The following RBFOX1 variants were observed in gnomAD, a reference collection of about 807,000 sequenced individuals.
The protein encoded by RBFOX1 is RNA binding fox-1 homolog 1.
In RBFOX1, 8 loss-of-function variants were observed where a neutral mutation model predicts 57.7. The ratio of observed to expected loss-of-function variants is 0.14; its 90% CI spans 0.08 to 0.25. RBFOX1 has a LOEUF of 0.25. RBFOX1 is among the 10% of genes least tolerant of loss of function. The pLI, the probability that RBFOX1 is intolerant of heterozygous loss-of-function variation, is 1.00. For missense variants in RBFOX1, 611 were observed against 548.5 expected, an observed-to-expected ratio of 1.11 and a Z score of -1.14; for synonymous variants, 326 against 222.4, an observed-to-expected ratio of 1.47 and a Z score of -4.15.
At chr16:5,624,351 T>A (rs763230006) in intron 3 of RBFOX1, among the ~76,000 whole-genome samples, 1 of 152,176 alleles carries the variant, frequency 6.6e-6, no homozygotes, top group Non-Finnish European at 1.5e-5. Flanking sequence ...CCTACTACCG[T>A]GCCCAACTAA....
chr16:7,298,246 C>G (rs2095942421), intron 4 of RBFOX1, among the ~76,000 whole-genome samples: 1 of 151,622 alleles, frequency 6.6e-6, no homozygotes, highest in African/African-American at 2.4e-5. Context: ...AAGCATCAAC[C>G]CACCACAATG....
At chr16:6,788,895 T>G (rs778559185) in intron 3 of RBFOX1, among the ~76,000 whole-genome samples, 38 of 152,170 alleles carry the variant, frequency 2.5e-4, no homozygotes, top group Admixed American at 6.5e-4. Context: ...GCTAACTCTC[T>G]GCTCTAAGAA....
intron 3 of RBFOX1, among the ~76,000 whole-genome samples, chr16:6,800,344 A>G (rs1227991197): frequency 6.6e-6 from 1 of 152,110 alleles, no homozygotes; most frequent in East Asian, 1.9e-4. Context: ...AGGGCTACCT[A>G]TTTTTGTTTT....
intron 4 of RBFOX1, among the ~76,000 whole-genome samples, chr16:7,495,160 A>G (rs952857703): frequency 2.0e-5 from 3 of 152,146 alleles, no homozygotes; most frequent in Non-Finnish European, 4.4e-5. Context: ...ATTCTGTTTT[A>G]TGGCTGCATA....
intron 4 of RBFOX1, among the ~76,000 whole-genome samples, chr16:7,460,738 C>T (rs1306196677): frequency 1.3e-5 from 2 of 151,602 alleles, no homozygotes; most frequent in Non-Finnish European, 2.9e-5. Flanking sequence ...AATGAGATAT[C>T]TAAATGAATG....
intron 1 of RBFOX1, among the ~76,000 whole-genome samples, chr16:5,412,599 G>A (rs893287982): frequency 6.6e-6 from 1 of 152,204 alleles, no homozygotes; most frequent in Non-Finnish European, 1.5e-5. Flanking sequence ...TTTAGAGTAG[G>A]GGAGGGAGGT....
At chr16:7,299,101 TAGTG>T (rs1289885811) in intron 4 of RBFOX1, among the ~76,000 whole-genome samples, 3 of 152,246 alleles carry the variant, frequency 2.0e-5, no homozygotes, top group Admixed American at 2.0e-4. Context: ...TAGATTTTGA[TAGTG>T]AGCACCAAAA....
intron 2 of RBFOX1, among the ~76,000 whole-genome samples, chr16:6,530,599 A>C (rs569897078): frequency 1.3e-5 from 2 of 152,314 alleles, no homozygotes; most frequent in East Asian, 3.9e-4. Context: ...TGGGTAATTT[A>C]CAAAGAAAAA....
intron 2 of RBFOX1, among the ~76,000 whole-genome samples, chr16:6,544,910 T>C (rs1310448640): frequency 6.6e-6 from 1 of 152,230 alleles, no homozygotes; most frequent in East Asian, 1.9e-4. Context: ...ATGTCTGCTT[T>C]TTATGATTAT....
intron 4 of RBFOX1, among the ~76,000 whole-genome samples, chr16:7,080,044 A>G (rs7194062): frequency 0.11 from 15,488 of 144,790 alleles, 2,499 homozygotes; most frequent in African/African-American, 0.35. Flanking sequence ...ATATAGATGT[A>G]TATATATATA....
chr16:7,497,523 G>C (rs2069081592), intron 4 of RBFOX1, among the ~76,000 whole-genome samples: 1 of 152,056 alleles, frequency 6.6e-6, no homozygotes, highest in Non-Finnish European at 1.5e-5. Flanking sequence ...TCTTTATCCA[G>C]ATCTTAATCT....
intron 4 of RBFOX1, among the ~76,000 whole-genome samples, chr16:7,337,759 A>G (rs571570484): frequency 6.6e-6 from 1 of 152,266 alleles, no homozygotes; most frequent in Non-Finnish European, 1.5e-5. Context: ...ATCTCGGCTC[A>G]TTGCAACCTC....
chr16:5,860,455 C>G (rs2057184366), intron 3 of RBFOX1, among the ~76,000 whole-genome samples: 1 of 152,116 alleles, frequency 6.6e-6, no homozygotes, highest in Non-Finnish European at 1.5e-5. Flanking sequence ...CAAATTGGTT[C>G]AAGAAAAGAG....
chr16:6,436,585 T>G (rs1439834794), intron 2 of RBFOX1, among the ~76,000 whole-genome samples: 1 of 151,554 alleles, frequency 6.6e-6, no homozygotes. Context: ...TTATTTTTTC[T>G]GGGGGGAAAA....
intron 2 of RBFOX1, among the ~76,000 whole-genome samples, chr16:5,507,258 T>G (rs191995450): frequency 4.6e-5 from 7 of 152,194 alleles, no homozygotes; most frequent in African/African-American, 1.7e-4. Flanking sequence ...GTTGCTATTA[T>G]TATACCATTT....
chr16:6,767,945 A>AAGAAGG (rs2077608281), intron 3 of RBFOX1, among the ~76,000 whole-genome samples: 1 of 76,918 alleles, frequency 1.3e-5, no homozygotes, highest in African/African-American at 6.7e-5. Context: ...TAATAATAAT[A>AAGAAGG]ATAAGAAGAA....
At chr16:7,330,633 A>T (rs2096676862) in intron 4 of RBFOX1, among the ~76,000 whole-genome samples, 1 of 151,932 alleles carries the variant, frequency 6.6e-6, no homozygotes, top group Admixed American at 6.6e-5. Flanking sequence ...AGCATTCTTG[A>T]TTAAGAGTAA....
intron 1 of RBFOX1, among the ~76,000 whole-genome samples, chr16:5,294,445 A>T (rs762603821): frequency 6.6e-6 from 1 of 152,112 alleles, no homozygotes; most frequent in Non-Finnish European, 1.5e-5. Flanking sequence ...TAGCCTGCCT[A>T]TGCCTTTCTG....
chr16:5,750,117 T>C (rs1458528915), intron 3 of RBFOX1, among the ~76,000 whole-genome samples: 1 of 152,184 alleles, frequency 6.6e-6, no homozygotes, highest in Non-Finnish European at 1.5e-5. Context: ...CTGTTGGAGT[T>C]TGCTGGAGGT....
Sources: gnomAD v4.1 joint callset for allele counts (sites outside exome capture counted in the v4.1 genomes callset) on GRCh38, gnomAD v4.1.1 for gene constraint, MANE v1.5 for transcripts, NCBI Gene and HGNC (gene_info 2026-07-23, HGNC 2026-07-21) for gene names.